STXBP4: variants seen among roughly 807,000 people sequenced by gnomAD.
The protein encoded by STXBP4 is syntaxin-binding protein 4.
A neutral mutation model predicts 76.1 loss-of-function variants in STXBP4; 55 were observed. The observed-to-expected ratio is 0.72, with a 90% CI of 0.58 to 0.91. The LOEUF is 0.91. Among genes scored for constraint, STXBP4 ranks in the 40% least tolerant of loss-of-function variants. STXBP4 has a pLI of 0.00. For synonymous variants in STXBP4, 201 were observed against 220.2 expected (o/e 0.91, Z 0.77); for missense variants, 618 against 636.9 (o/e 0.97, Z 0.32).
At chr17:55,208,553 G>GGAAGGGAGGGAGGGAGGGA in the STXBP4 span, among the ~76,000 whole-genome samples, 1 of 107,004 alleles carries the variant, frequency 9.3e-6, no homozygotes, top group African/African-American at 3.6e-5. Flanking sequence ...AAGGAAGGAA[G>GGAAGGGAGGGAGGGAGGGA]CAAGGAAGGA....
intron 8 of STXBP4, among the ~76,000 whole-genome samples, chr17:55,026,470 A>G (rs544458033): frequency 6.2e-4 from 95 of 152,336 alleles, no homozygotes; most frequent in Non-Finnish European, 8.2e-4. Context: ...TAACAGGAAA[A>G]TGGAATAAAA....
At chr17:55,140,747 G>GTTTA (rs2080085792) in intron 16 of STXBP4, among the ~76,000 whole-genome samples, 1 of 152,134 alleles carries the variant, frequency 6.6e-6, no homozygotes, top group Non-Finnish European at 1.5e-5. Flanking sequence ...GGCCGTTTAT[G>GTTTA]TTTAGTGCAC....
intron 16 of STXBP4, among the ~76,000 whole-genome samples, chr17:55,110,669 C>T (rs1158316637): frequency 6.6e-6 from 1 of 152,200 alleles, no homozygotes; most frequent in African/African-American, 2.4e-5. Flanking sequence ...AACTATTCAA[C>T]TCTGCCATTG....
intron 16 of STXBP4, among the ~76,000 whole-genome samples, chr17:55,105,720 C>G (rs1040023380): frequency 2.0e-5 from 3 of 151,996 alleles, no homozygotes; most frequent in Non-Finnish European, 4.4e-5. Context: ...CCCCGTTACC[C>G]ACCAGCCTTG....
chr17:55,195,203 A>G, the STXBP4 span, among the ~76,000 whole-genome samples: 1 of 152,142 alleles, frequency 6.6e-6, no homozygotes, highest in African/African-American at 2.4e-5. Context: ...CACCGGGCAA[A>G]TTATGCAGAA....
rs763693493 is a variant in STXBP4 at position 55,034,161 on chromosome 17, A to G, written c.764-7A>G. ...CCATGTTCTTACTTAAATGTGTTCC[A>G]TTTTAGATTTTGTCCAGGTTGCCAG... On this transcript the variant is annotated splice_polypyrimidine_tract_variant and splice_region_variant and intron_variant, in intron 9 of 17. Coordinates refer to ENST00000376352, the MANE Select transcript of STXBP4 (RefSeq NM_178509.6). The G allele has an allele frequency of 3.7e-6, 6 of 1,610,050 alleles. No homozygotes were observed. The highest frequency in any genetic ancestry group is 1.1e-5 in the South Asian group (1 of 90,686).
intron 11 of STXBP4, among the ~76,000 whole-genome samples, chr17:55,045,624 A>G (rs1036999618): frequency 6.6e-6 from 1 of 152,124 alleles, no homozygotes; most frequent in African/African-American, 2.4e-5. Context: ...ATAAATCAGG[A>G]TTTACCTTTA....
chr17:55,039,178 A>G (rs1005759630), intron 10 of STXBP4, among the ~76,000 whole-genome samples: 23 of 152,196 alleles, frequency 1.5e-4, no homozygotes, highest in Non-Finnish European at 8.8e-5. Context: ...GCAAGGCCAT[A>G]AGAGTAATAA....
At chr17:55,128,925 CTTTT>C (rs35073950) in intron 16 of STXBP4, among the ~76,000 whole-genome samples, 2 of 86,268 alleles carry the variant, frequency 2.3e-5, no homozygotes, top group Admixed American at 1.3e-4. Context: ...TGTAAGGATT[CTTTT>C]TTTTTTTTTT....
intron 8 of STXBP4, among the ~76,000 whole-genome samples, chr17:55,017,278 TTTCTC>T (rs1374386477): frequency 2.0e-5 from 3 of 152,126 alleles, no homozygotes; most frequent in Admixed American, 6.5e-5. Context: ...CTCTGTCTCT[TTTCTC>T]TTAGCCATTT....
At chr17:55,057,493 G>C (rs2078941751) in intron 12 of STXBP4, among the ~76,000 whole-genome samples, 1 of 152,122 alleles carries the variant, frequency 6.6e-6, no homozygotes, top group Non-Finnish European at 1.5e-5. Context: ...CAATAAAGCA[G>C]CCTCTTTCTT....
chr17:55,161,411 A>AC lies in STXBP4; in HGVS notation c.*1506dup, dbSNP rs879752527. ...GCCCCAGAGGGAGCTATTTCCTTGC[A>AC]CCCCCCAGAGGTGAATGAGGTATTC... On this transcript the variant is annotated 3_prime_UTR_variant, in exon 18 of 18. Coordinates refer to ENST00000376352, the MANE Select transcript of STXBP4 (RefSeq NM_178509.6). The AC allele has an allele frequency of 5.3e-5, 8 of 152,128 alleles. No homozygotes were observed. The highest frequency in any genetic ancestry group is 1.0e-4 in the Non-Finnish European group (7 of 67,978). The allele number at this position is 152,128 out of a possible 1,614,324, so 9.4% of individuals were successfully genotyped here.
the STXBP4 span, among the ~76,000 whole-genome samples, chr17:55,200,848 A>T: frequency 6.6e-6 from 1 of 152,250 alleles, no homozygotes; most frequent in Non-Finnish European, 1.5e-5. Flanking sequence ...AACATAGTGC[A>T]TATGTTAGAA....
At chr17:55,060,911 T>C (rs1182653995) in intron 12 of STXBP4, among the ~76,000 whole-genome samples, 1 of 152,188 alleles carries the variant, frequency 6.6e-6, no homozygotes, top group Non-Finnish European at 1.5e-5. Flanking sequence ...AAGGCAGCAA[T>C]GAATTGGTGA....
intron 12 of STXBP4, among the ~76,000 whole-genome samples, chr17:55,071,603 C>G (rs1207860102): frequency 1.3e-5 from 2 of 152,154 alleles, no homozygotes; most frequent in African/African-American, 4.8e-5. Flanking sequence ...AATGTAAATT[C>G]CAAGGAGCAA....
rs948006624 is a variant in STXBP4, at chr17:55,164,596, G to A, written c.*4685G>A. On this transcript the variant is annotated 3_prime_UTR_variant, in exon 18 of 18. Transcript: ENST00000376352. ...CTCCCGAGTAGCTGGGACTACAGGC[G>A]CCCGCCACCGCGCCCGGCTAATTTT... 2.7e-5 allele frequency: 4 copies of A among 150,940 alleles called. No individual in the cohort carries two copies. Among genetic ancestry groups the A allele is most frequent in the East Asian group, 3.9e-4 (2 of 5,164 alleles). The allele number at this position is 150,940 out of a possible 1,614,324, so 9.4% of individuals were successfully genotyped here.
chr17:55,136,208 C>A (rs2080027201), intron 16 of STXBP4, among the ~76,000 whole-genome samples: 1 of 152,134 alleles, frequency 6.6e-6, no homozygotes, highest in Non-Finnish European at 1.5e-5. Flanking sequence ...GGCAACAATT[C>A]TTTATGCCTT....
intron 16 of STXBP4, among the ~76,000 whole-genome samples, chr17:55,117,271 A>G (rs2079792046): frequency 6.6e-6 from 1 of 151,886 alleles, no homozygotes; most frequent in African/African-American, 2.4e-5. Flanking sequence ...AGCTATGGAA[A>G]GAGAACAGCT....
Position 55,039,598 on chromosome 17 carries a change from A to G in STXBP4, c.856-3638A>G, listed in dbSNP as rs557147299. 2.6e-5 allele frequency among the ~76,000 whole-genome samples: 4 copies of G among 152,238 alleles called. No individual in the cohort carries two copies. In the East Asian group the frequency reaches 7.7e-4, roughly 29 times the overall value. On this transcript the variant is annotated intron_variant, in intron 10 of 17. Transcript: ENST00000376352. ...ATCCAGATAAAGATAGTAAAGAACT[A>G]AAGTATAGTGAAGGTGGGGAAAATA...
Sources: allele counts gnomAD v4.1 joint callset (sites outside exome capture counted in the v4.1 genomes callset), GRCh38; gene constraint gnomAD v4.1.1; transcripts MANE v1.5; gene names NCBI Gene and HGNC (gene_info 2026-07-23, HGNC 2026-07-21).